Variants in CDH11 observed in about 807,000 individuals in gnomAD.
CDH11 encodes cadherin-11.
Under a neutral mutation model 67.8 loss-of-function variants are expected in CDH11, and 11 were observed. The ratio of observed to expected loss-of-function variants is 0.16; its 90% CI spans 0.10 to 0.27. CDH11 has a LOEUF of 0.27. CDH11 is among the 10% of genes least tolerant of loss of function. CDH11 has a pLI of 1.00. For synonymous variants in CDH11, 419 were observed against 400.0 expected (o/e 1.05, Z -0.57); for missense variants, 847 against 1,031.2 (o/e 0.82, Z 2.45).
At chr16:65,041,385 G>A (rs1055867347) in intron 2 of CDH11, among the ~76,000 whole-genome samples, 3 of 130,654 alleles carry the variant, frequency 2.3e-5, no homozygotes, top group Non-Finnish European at 4.9e-5. Flanking sequence ...GAATAATCAT[G>A]TTCCATGATT....
At chr16:65,080,057 AT>A (rs138492034) in intron 1 of CDH11, among the ~76,000 whole-genome samples, 6 of 151,936 alleles carry the variant, frequency 3.9e-5, no homozygotes, top group African/African-American at 9.7e-5. Context: ...GGCTTACACT[AT>A]TTTTTTTCTA....
intron 12 of CDH11, chr16:64,948,712 A>G: frequency 6.2e-7 from 1 of 1,604,810 alleles, no homozygotes; most frequent in Non-Finnish European, 8.5e-7. Flanking sequence ...ATAGGAAAAT[A>G]GCATCAGCTG....
chr16:65,015,051 A>ATTATTATTT (rs869210447), intron 2 of CDH11, among the ~76,000 whole-genome samples: 1 of 141,502 alleles, frequency 7.1e-6, no homozygotes, highest in Non-Finnish European at 1.6e-5. Context: ...TATTATTATT[A>ATTATTATTT]TTGAGAGACT....
chr16:64,982,413 G>C, intron 7 of CDH11, 112 bp from the exon 8 acceptor site: 2 of 825,712 alleles, frequency 2.4e-6, no homozygotes, highest in Non-Finnish European at 3.8e-6. Context: ...GAGAAAATCA[G>C]AGTCTACTCA....
At chr16:65,099,434 C>T (rs1239401209) in intron 1 of CDH11, among the ~76,000 whole-genome samples, 7 of 152,124 alleles carry the variant, frequency 4.6e-5, no homozygotes, top group Admixed American at 4.6e-4. Context: ...ATTCACAGGA[C>T]ATAGCAAATG....
At chr16:65,032,959 A>G (rs1191181551) in intron 2 of CDH11, among the ~76,000 whole-genome samples, 2 of 152,226 alleles carry the variant, frequency 1.3e-5, no homozygotes, top group East Asian at 3.9e-4. Flanking sequence ...TCTTCTAGAC[A>G]GCCACGCTTT....
At chr16:65,061,986 A>C (rs1049580516) in intron 1 of CDH11, among the ~76,000 whole-genome samples, 1 of 152,182 alleles carries the variant, frequency 6.6e-6, no homozygotes, top group Non-Finnish European at 1.5e-5. Context: ...AAAGCCACTC[A>C]CCAGTGAAGC....
In CDH11 at chr16:64,962,302, T is replaced by TA. The variant is rs201795746; in HGVS notation, c.1642+9276dup. On this transcript the variant is annotated intron_variant, in intron 11 of 12. Transcript: ENST00000268603. ...CTTGGAAGTCACCTCTCCATCCAAA[T>TA]AAAAAAACAAACAAACTAGAATATT... 8.6e-5 allele frequency among the ~76,000 whole-genome samples: 13 copies of TA among 152,022 alleles called. No homozygotes were observed. In the East Asian group the frequency reaches 1.9e-3, roughly 23 times the overall value.
At chr16:64,989,603 T>G (rs2072579833) in intron 6 of CDH11, among the ~76,000 whole-genome samples, 4 of 152,154 alleles carry the variant, frequency 2.6e-5, no homozygotes, top group Admixed American at 1.3e-4. Context: ...GACTACAGCC[T>G]TCTGGTGAGA....
chr16:65,035,785 A>G (rs7500503), intron 2 of CDH11, among the ~76,000 whole-genome samples: 137,155 of 152,242 alleles, frequency 0.9, 61,829 homozygotes, highest in East Asian at 1. Context: ...GAATGAAAGC[A>G]TTAAGTCATA....
intron 11 of CDH11, among the ~76,000 whole-genome samples, chr16:64,959,635 G>T (rs755682985): frequency 1.3e-5 from 2 of 152,130 alleles, no homozygotes; most frequent in Non-Finnish European, 2.9e-5. Context: ...AGGCAGAAAA[G>T]AAACATGATT....
At chr16:65,050,975 C>T (rs1441902453) in intron 2 of CDH11, among the ~76,000 whole-genome samples, 1 of 152,080 alleles carries the variant, frequency 6.6e-6, no homozygotes, top group East Asian at 1.9e-4. Flanking sequence ...ATGAAGAGCC[C>T]CATTTGGCTC....
At chr16:64,999,416 TCTTCA>T (rs1186332977) in intron 3 of CDH11, among the ~76,000 whole-genome samples, 3 of 152,102 alleles carry the variant, frequency 2.0e-5, no homozygotes, top group East Asian at 1.9e-4. Flanking sequence ...CACACATCAT[TCTTCA>T]CTTCATCCTT....
rs368760748 is a variant in CDH11, at chr16:64,973,618, C to T, written c.1254-578G>A. ...GCCAGGAGTTCAGGACCAGCCTGAC[C>T]AACATGGTGAAATCGCATCTCTACT... On this transcript the variant is annotated intron_variant, in intron 8 of 12. Transcript: ENST00000268603. Among the ~76,000 whole-genome samples the T allele has an allele frequency of 1.8e-3, 269 of 152,178 alleles. 2 individuals are homozygous for T. Among genetic ancestry groups the T allele is most frequent in the South Asian group, 0.012 (56 of 4,824 alleles).
intron 3 of CDH11, among the ~76,000 whole-genome samples, chr16:64,999,357 A>T (rs2072857532): frequency 6.6e-6 from 1 of 152,208 alleles, no homozygotes; most frequent in Non-Finnish European, 1.5e-5. Context: ...AAATCTACAC[A>T]GATACATATG....
intron 2 of CDH11, among the ~76,000 whole-genome samples, chr16:65,021,197 A>G (rs2073416308): frequency 6.6e-6 from 1 of 152,178 alleles, no homozygotes; most frequent in Non-Finnish European, 1.5e-5. Flanking sequence ...TTACACACCA[A>G]AGCTCTCTCA....
At chr16:64,959,934 T>C (rs2071626036) in intron 11 of CDH11, among the ~76,000 whole-genome samples, 1 of 152,198 alleles carries the variant, frequency 6.6e-6, no homozygotes, top group Non-Finnish European at 1.5e-5. Context: ...TAAACCAACA[T>C]TGCTTTCCAC....
chr16:65,086,486 G>A (rs2074701401), intron 1 of CDH11, among the ~76,000 whole-genome samples: 1 of 152,192 alleles, frequency 6.6e-6, no homozygotes, highest in Non-Finnish European at 1.5e-5. Context: ...TTGTCTCTGT[G>A]ATGTTAGAAT....
chr16:64,967,846 G>T (rs2071884995), intron 11 of CDH11, among the ~76,000 whole-genome samples: 2 of 152,060 alleles, frequency 1.3e-5, no homozygotes, highest in South Asian at 2.1e-4. Context: ...CATTAATTTT[G>T]TAATAGAAGC....
Sources: allele counts gnomAD v4.1 joint callset (sites outside exome capture counted in the v4.1 genomes callset), GRCh38; gene constraint gnomAD v4.1.1; transcripts MANE v1.5; gene names NCBI Gene and HGNC (gene_info 2026-07-23, HGNC 2026-07-21).